TRPM7: variants seen among roughly 807,000 people sequenced by gnomAD.
The protein encoded by TRPM7 is LTRPC ion channel family member 7.
TRPM7 carries 134 observed loss-of-function variants against 229.7 expected under a neutral mutation model. The ratio of observed to expected loss-of-function variants is 0.58; its 90% CI spans 0.51 to 0.67. The LOEUF (loss-of-function observed/expected upper bound fraction) is 0.67. TRPM7 is among the 30% of genes least tolerant of loss of function. TRPM7 has a pLI of 0.00. For missense variants in TRPM7, 1,901 were observed against 2,210.0 expected (o/e 0.86, Z 2.80); for synonymous variants, 699 against 715.2 (o/e 0.98, Z 0.36).
At chr15:50,642,299 T>C (rs375675431) in intron 5 of TRPM7, among the ~76,000 whole-genome samples, 1 of 152,188 alleles carries the variant, frequency 6.6e-6, no homozygotes, top group Non-Finnish European at 1.5e-5. Flanking sequence ...CTAAACAGTA[T>C]AAGCTTTATA....
At chr15:50,681,667 C>T (rs1013134278) in intron 1 of TRPM7, among the ~76,000 whole-genome samples, 10 of 152,304 alleles carry the variant, frequency 6.6e-5, no homozygotes, top group Middle Eastern at 3.4e-3. Flanking sequence ...GATGACTTAG[C>T]TCAAAAGCTT....
chr15:50,580,112 C>T (rs1201995893), intron 30 of TRPM7, among the ~76,000 whole-genome samples: 1 of 152,178 alleles, frequency 6.6e-6, no homozygotes, highest in Non-Finnish European at 1.5e-5. Context: ...AAAAACACTG[C>T]AGAATAATAA....
chr15:50,579,742 G>A (rs995895802), intron 30 of TRPM7, among the ~76,000 whole-genome samples: 2 of 152,070 alleles, frequency 1.3e-5, no homozygotes, highest in South Asian at 2.1e-4. Context: ...TGCTTATCCT[G>A]TGGCCCAGGT....
chr15:50,639,684 A>G (rs2061029017), intron 5 of TRPM7, 136 bp from the exon 6 acceptor site: 3 of 627,984 alleles, frequency 4.8e-6, no homozygotes, highest in Non-Finnish European at 7.5e-6. Context: ...CTCCCTTGTG[A>G]GCCTCCCCAG....
At chr15:50,598,279 C>T (rs1245894757) in intron 22 of TRPM7, among the ~76,000 whole-genome samples, 2 of 152,200 alleles carry the variant, frequency 1.3e-5, no homozygotes, top group Admixed American at 6.5e-5. Flanking sequence ...GACAGCATCA[C>T]TTATGTTCAC....
chr15:50,675,822 A>T (rs2062081138), intron 1 of TRPM7, among the ~76,000 whole-genome samples: 1 of 152,234 alleles, frequency 6.6e-6, no homozygotes, highest in Non-Finnish European at 1.5e-5. Flanking sequence ...ATGCTAGTAG[A>T]GCAGGGAATC....
chr15:50,613,584 G>A, intron 15 of TRPM7, 123 bp downstream of exon 15: 3 of 676,454 alleles, frequency 4.4e-6, no homozygotes, highest in Non-Finnish European at 6.4e-6. Context: ...ACAATTCTAG[G>A]ACATATCCAA....
At chr15:50,574,569 AAAAATGAAGGTC>A in intron 35 of TRPM7, 56 bp downstream of exon 35, 1 of 1,553,442 alleles carries the variant, frequency 6.4e-7, no homozygotes, top group Non-Finnish European at 8.8e-7. Flanking sequence ...ATTCAACATC[AAAAATGAAGGTC>A]AAAAGGGACT....
At chr15:50,571,043 T>G (rs1435159561) in intron 36 of TRPM7, among the ~76,000 whole-genome samples, 1 of 152,190 alleles carries the variant, frequency 6.6e-6, no homozygotes, top group Admixed American at 6.5e-5. Context: ...CTCTTACATA[T>G]TCATGTGTGT....
intron 5 of TRPM7, among the ~76,000 whole-genome samples, chr15:50,640,315 A>T (rs60778210): frequency 0.18 from 27,614 of 152,002 alleles, 3,233 homozygotes; most frequent in East Asian, 0.46. Flanking sequence ...TCTATTGCCC[A>T]GGCTGGAGTG....
Position 50,592,089 on chromosome 15 carries a change from T to C in TRPM7, c.4146A>G (p.Gln1382=), listed in dbSNP as rs1377656294. Residue 1382 remains glutamine (Q), a synonymous_variant, in exon 26 of 39, where the codon CAA becomes CAG. Coordinates refer to ENST00000646667, the MANE Select transcript of TRPM7 (RefSeq NM_017672.6). ...TGCTAGTAGATGAACTGCCTAATTTTTGATTTTTATTAAATATTTTTAAGA... is the reference window on the plus strand; with the variant it reads ...TGCTAGTAGATGAACTGCCTAATTTCTGATTTTTATTAAATATTTTTAAGA... ...VELLKIFNKN[Q]KLGSSSTSIP... 1 of 1,610,716 alleles carries C rather than the reference T, an allele frequency of 6.2e-7. No individual in the cohort carries two copies. Among genetic ancestry groups the C allele is most frequent in the African/African-American group, 1.3e-5 (1 of 74,726 alleles).
intron 3 of TRPM7, among the ~76,000 whole-genome samples, chr15:50,654,933 A>C (rs2061517947): frequency 6.7e-6 from 1 of 148,194 alleles, no homozygotes; most frequent in African/African-American, 2.5e-5. Flanking sequence ...CCCAGGATGC[A>C]GAGCTTGCAG....
intron 21 of TRPM7, chr15:50,599,626 AT>A (rs1402500361): frequency 5.8e-6 from 1 of 173,350 alleles, no homozygotes; most frequent in African/African-American, 2.4e-5. Flanking sequence ...ACACAGACAG[AT>A]TTAGGGAATC....
At chr15:50,658,975 G>C (rs56015830) in intron 2 of TRPM7, among the ~76,000 whole-genome samples, 53,133 of 152,010 alleles carry the variant, frequency 0.35, 10,490 homozygotes, top group Admixed American at 0.48. Context: ...GAGGCGGGAG[G>C]ATCACGAGGT....
At chr15:50,641,965 A>G (rs1363669710) in intron 5 of TRPM7, among the ~76,000 whole-genome samples, 1 of 149,432 alleles carries the variant, frequency 6.7e-6, no homozygotes, top group Non-Finnish European at 1.5e-5. Context: ...GCACCACTGC[A>G]CTCCAGCCTG....
intron 17 of TRPM7, 126 bp from the exon 18 acceptor site, chr15:50,610,087 AG>A: frequency 2.9e-6 from 2 of 694,886 alleles, no homozygotes; most frequent in Non-Finnish European, 4.5e-6. Flanking sequence ...TTTTGCCCCT[AG>A]CAGTAGAGGG....
In TRPM7 at chr15:50,679,534, ATATAT is replaced by A. The variant is rs1469643487; in HGVS notation, c.3+6992_3+6996del. On this transcript the variant is annotated intron_variant, in intron 1 of 38. Coordinates refer to ENST00000646667, the MANE Select transcript of TRPM7 (RefSeq NM_017672.6). ...ATAATATATATATATATATATATAT[ATATAT>A]TTTTTTTTTTTTTTGAGACAGAGTC... 3.1e-3 allele frequency among the ~76,000 whole-genome samples: 181 copies of A among 57,646 alleles called. 1 individual carries two copies. The highest frequency in any genetic ancestry group is 3.8e-3 in the Non-Finnish European group (129 of 34,058). 37.8% of individuals were successfully genotyped at this position (57,646 alleles called of 152,430 possible).
intron 1 of TRPM7, among the ~76,000 whole-genome samples, chr15:50,682,173 C>CAA (rs34590459): frequency 9.4e-4 from 60 of 63,676 alleles, no homozygotes; most frequent in Non-Finnish European, 1.4e-3. Flanking sequence ...AACTCAGTCT[C>CAA]AAAAAAAAAA....
chr15:50,614,083 T>C, intron 14 of TRPM7, 40 bp downstream of exon 14: 1 of 1,533,524 alleles, frequency 6.5e-7, no homozygotes, highest in African/African-American at 1.4e-5. Flanking sequence ...TGTGTTAATA[T>C]TAAAGCATAT....
Sources: gnomAD v4.1 joint callset for allele counts (sites outside exome capture counted in the v4.1 genomes callset) on GRCh38, gnomAD v4.1.1 for gene constraint, MANE v1.5 for transcripts, NCBI Gene and HGNC (gene_info 2026-07-23, HGNC 2026-07-21) for gene names.